The following PREX2 variants were observed in gnomAD, a reference collection of about 807,000 sequenced individuals.
PREX2 encodes the protein phosphatidylinositol-3,4,5-trisphosphate dependent Rac exchange factor 2.
A neutral mutation model predicts 203.2 loss-of-function variants in PREX2; 107 were observed. The observed-to-expected ratio is 0.53, with a 90% CI of 0.45 to 0.62. PREX2 has a LOEUF of 0.62. PREX2 is among the 20% of genes least tolerant of loss of function. The probability of loss-of-function intolerance (pLI) is 0.00; values close to 1 mark genes in which losing one functional copy is unlikely to be tolerated. For missense variants in PREX2, 1,777 were observed against 1,955.9 expected, an observed-to-expected ratio of 0.91 and a Z score of 1.72; for synonymous variants, 672 against 663.6, an observed-to-expected ratio of 1.01 and a Z score of -0.19.
intron 18 of PREX2, among the ~76,000 whole-genome samples, chr8:68,086,190 C>A (rs536234893): frequency 6.6e-6 from 1 of 152,298 alleles, no homozygotes; most frequent in African/African-American, 2.4e-5. Context: ...CAGATAACTT[C>A]ATAGTGTATA....
chr8:68,237,029 C>A lies in PREX2; in HGVS notation c.*5651C>A, dbSNP rs561374813. 6.6e-6 allele frequency: 1 copy of A among 152,130 alleles called. No individual in the cohort carries two copies. The highest frequency in any genetic ancestry group is 1.9e-4 in the East Asian group (1 of 5,174). The allele number at this position is 152,130 out of a possible 1,614,324, so 9.4% of individuals were successfully genotyped here. A position where few individuals can be genotyped will look rare whatever the true frequency, so the allele number is the denominator to read the frequency against. On this transcript the variant is annotated 3_prime_UTR_variant, in exon 40 of 40. Coordinates refer to ENST00000288368, the MANE Select transcript of PREX2 (RefSeq NM_024870.4). ...AATAATAAAGTGAAATGTAGTATGA[C>A]CAATTCAGCTTCTTTCCATTTAAAC...
At chr8:68,021,380 A>T (rs1035869421) in intron 3 of PREX2, among the ~76,000 whole-genome samples, 1 of 152,172 alleles carries the variant, frequency 6.6e-6, no homozygotes, top group Non-Finnish European at 1.5e-5. Flanking sequence ...TGACTTTTCT[A>T]TACCTACAAA....
intron 18 of PREX2, among the ~76,000 whole-genome samples, chr8:68,086,633 C>T (rs1303972089): frequency 6.6e-6 from 1 of 152,140 alleles, no homozygotes; most frequent in Non-Finnish European, 1.5e-5. Flanking sequence ...TTCATTGTTG[C>T]TATCTGATTT....
intron 23 of PREX2, chr8:68,102,904 C>T: frequency 1.9e-6 from 1 of 517,966 alleles, no homozygotes; most frequent in South Asian, 1.4e-5. Flanking sequence ...ATGTTTTTCT[C>T]TGTGGAGCAG....
chr8:68,156,732 C>T (rs1004524548), intron 34 of PREX2, among the ~76,000 whole-genome samples: 2 of 152,026 alleles, frequency 1.3e-5, no homozygotes, highest in Non-Finnish European at 2.9e-5. Context: ...CTAGGGAAGG[C>T]CCAGTTATGG....
chr8:67,970,629 T>A (rs1194915003), intron 1 of PREX2, among the ~76,000 whole-genome samples: 4 of 152,184 alleles, frequency 2.6e-5, no homozygotes, highest in African/African-American at 9.7e-5. Context: ...AGCTACAGAC[T>A]CATGTTTTCT....
intron 37 of PREX2, among the ~76,000 whole-genome samples, chr8:68,204,678 CT>C (rs1192583427): frequency 8.9e-3 from 739 of 83,402 alleles, no homozygotes; most frequent in Middle Eastern, 0.018. Flanking sequence ...TTTCTTCTTT[CT>C]TTTTTTTTTT....
rs982395956 is a variant in PREX2 at position 68,097,139 on chromosome 8, A to G, written c.2491A>G (p.Ile831Val). ...VVYEYDSTAG[I>V]KCNVVEKMIE... is the part of the protein sequence containing the mutation. ...GTATGAGTACGACAGCACAGCTGGC[A>G]TCAAGTGCAATGTGGTGGAAAAGAT... The change falls in exon 22 of 40, where the codon ATC (isoleucine) becomes GTC (valine). Residue 831 changes from isoleucine to valine, a missense_variant. Ile to Val is a conservative substitution (Grantham distance 29, BLOSUM62 3). Coordinates refer to ENST00000288368, the MANE Select transcript of PREX2 (RefSeq NM_024870.4). 1.2e-6 allele frequency: 2 copies of G among 1,613,952 alleles called. No homozygotes were observed. The highest frequency in any genetic ancestry group is 2.7e-5 in the African/African-American group (2 of 74,916).
At chr8:67,976,394 C>G (rs145032817) in intron 1 of PREX2, among the ~76,000 whole-genome samples, 2 of 134,674 alleles carry the variant, frequency 1.5e-5, no homozygotes, top group East Asian at 2.3e-4. Flanking sequence ...GGGAGAGAGA[C>G]AGAGAGAGAG....
In PREX2 at chr8:68,020,174, C is replaced by T. The variant is rs1190567355; in HGVS notation, c.336+503C>T. Reference sequence around the variant, plus strand: ...TACTGAGCAGTGCAGATGCAATAACCAGCCAGTACTCAGTTGTTTCAAATT... The same window carrying T: ...TACTGAGCAGTGCAGATGCAATAACTAGCCAGTACTCAGTTGTTTCAAATT... On this transcript the variant is annotated intron_variant, in intron 3 of 39. Transcript: ENST00000288368. Among the ~76,000 whole-genome samples the T allele has an allele frequency of 3.3e-5, 5 of 152,024 alleles. No homozygotes were observed. In the South Asian group the frequency reaches 8.3e-4, roughly 25 times the overall value.
At chr8:68,221,477 A>C (rs917604793) in intron 38 of PREX2, among the ~76,000 whole-genome samples, 1 of 141,024 alleles carries the variant, frequency 7.1e-6, no homozygotes, top group Non-Finnish European at 1.5e-5. Context: ...GTGAGGATTA[A>C]GTAAGTAAAT....
chr8:68,091,763 A>C (rs1300349988), intron 20 of PREX2, among the ~76,000 whole-genome samples: 1 of 152,216 alleles, frequency 6.6e-6, no homozygotes, highest in Non-Finnish European at 1.5e-5. Context: ...CTTCTACCAG[A>C]ATGTTAATAA....
intron 35 of PREX2, 151 bp from the exon 36 acceptor site, chr8:68,191,571 T>C (rs1422053457): frequency 1.7e-6 from 1 of 574,046 alleles, no homozygotes; most frequent in Non-Finnish European, 3.1e-6. Flanking sequence ...ATGGAAACCT[T>C]TTGACATTTG....
chr8:68,134,110 C>T lies in PREX2; in HGVS notation c.3818C>T (p.Ala1273Val), dbSNP rs775225179. 3 of 1,614,006 alleles carry T rather than the reference C, an allele frequency of 1.9e-6. No homozygotes were observed. Among genetic ancestry groups the T allele is most frequent in the Admixed American group, 1.7e-5 (1 of 59,990 alleles). The change falls in exon 32 of 40, where the codon GCC (alanine) becomes GTC (valine). Residue 1273 changes from alanine (A) to valine (V), a missense_variant. Coordinates refer to ENST00000288368, the MANE Select transcript of PREX2 (RefSeq NM_024870.4). ...RDMVFCQTLV[A>V]TVCAFSEQLM... Reference sequence around the variant, plus strand: ...ATGGTTTTCTGCCAGACTCTTGTGGCCACTGTCTGTGCCTTCTCTGAGCAG... The same window carrying T: ...ATGGTTTTCTGCCAGACTCTTGTGGTCACTGTCTGTGCCTTCTCTGAGCAG...
At chr8:68,222,487 A>G (rs1210770248) in intron 38 of PREX2, among the ~76,000 whole-genome samples, 1 of 152,104 alleles carries the variant, frequency 6.6e-6, no homozygotes, top group Non-Finnish European at 1.5e-5. Context: ...ATGGAATAAA[A>G]TAATTATGAG....
intron 1 of PREX2, among the ~76,000 whole-genome samples, chr8:68,013,647 G>A (rs1333040803): frequency 6.6e-6 from 1 of 152,100 alleles, no homozygotes; most frequent in Non-Finnish European, 1.5e-5. Context: ...AAGTTAAAGG[G>A]TAAAAGGAAA....
chr8:68,017,718 A>G, intron 1 of PREX2, 128 bp from the exon 2 acceptor site: 3 of 696,158 alleles, frequency 4.3e-6, no homozygotes, highest in Admixed American at 2.4e-5. Flanking sequence ...TTACAACAAA[A>G]CTATTATACT....
chr8:68,112,814 A>G (rs1196986621), intron 25 of PREX2, among the ~76,000 whole-genome samples: 1 of 152,170 alleles, frequency 6.6e-6, no homozygotes, highest in Admixed American at 6.6e-5. Flanking sequence ...AAAATGGGGA[A>G]AATAATAATA....
chr8:68,053,011 G>T, intron 8 of PREX2, 86 bp from the exon 9 acceptor site: 2 of 1,234,404 alleles, frequency 1.6e-6, no homozygotes, highest in Non-Finnish European at 2.3e-6. Flanking sequence ...AGTGGTTTTG[G>T]AACTTTTGTG....
Sources: allele counts gnomAD v4.1 joint callset (sites outside exome capture counted in the v4.1 genomes callset), GRCh38; gene constraint gnomAD v4.1.1; transcripts MANE v1.5; gene names NCBI Gene and HGNC (gene_info 2026-07-23, HGNC 2026-07-21).